SLFN14: variants seen among roughly 807,000 people sequenced by gnomAD.
SLFN14 encodes the protein schlafen family member 14.
Under a neutral mutation model 58.6 loss-of-function variants are expected in SLFN14, and 47 were observed. That is an observed-to-expected ratio of 0.80 (90% CI 0.64 to 1.02). SLFN14 has a LOEUF of 1.02. Among genes scored for constraint, SLFN14 ranks in the 50% least tolerant of loss-of-function variants. The pLI is 0.00. For missense variants in SLFN14, 967 were observed against 1,078.4 expected, an observed-to-expected ratio of 0.90 and a Z score of 1.45; for synonymous variants, 390 against 387.3, an observed-to-expected ratio of 1.01 and a Z score of -0.08.
rs1037004716 is a variant in SLFN14, at chr17:35,545,502, A to AT, written c.*2736dup. On this transcript the variant is annotated 3_prime_UTR_variant, in exon 6 of 6. Transcript: ENST00000674182. ...CTTGTGACATATTAGAATCATTTGG[A>AT]TTTTTTTTAAGAGATAGAGTCTTGC... Among the ~76,000 whole-genome samples the AT allele has an allele frequency of 6.6e-6, 1 of 151,850 alleles. No homozygotes were observed. The highest frequency in any genetic ancestry group is 6.6e-5 in the Admixed American group (1 of 15,220).
intron 5 of SLFN14, among the ~76,000 whole-genome samples, 187 bp from the exon 6 acceptor site, chr17:35,549,260 C>T (rs903374121): frequency 2.3e-4 from 35 of 152,176 alleles, no homozygotes; most frequent in African/African-American, 8.4e-4. Flanking sequence ...AATTTTACAC[C>T]TTGCTCTTTG....
intron 5 of SLFN14, among the ~76,000 whole-genome samples, chr17:35,551,408 C>G (rs1213091478): frequency 6.6e-6 from 1 of 152,140 alleles, no homozygotes; most frequent in Non-Finnish European, 1.5e-5. Flanking sequence ...TCTTCAGAAT[C>G]TATATGCTTC....
At position 35,544,260 on chromosome 17, in the gene SLFN14, T is replaced by G. The variant is rs960235169; in HGVS notation, c.*3979A>C. Among the ~76,000 whole-genome samples, 2 of 152,196 alleles carry G rather than the reference T, an allele frequency of 1.3e-5. No homozygotes were observed. Among genetic ancestry groups the G allele is most frequent in the African/African-American group, 4.8e-5 (2 of 41,456 alleles). ...CCAAGTCACATGACCAAGGCCACAT[T>G]ACAGGGGTGGAAAATATCTCTACCT... On this transcript the variant is annotated 3_prime_UTR_variant, in exon 6 of 6. Transcript: ENST00000674182.
In SLFN14 at chr17:35,545,502, AT is replaced by A. The variant is rs1037004716; in HGVS notation, c.*2736del. The stretch of plus-strand genomic sequence containing the variant: ...CTTGTGACATATTAGAATCATTTGG[AT>A]TTTTTTTAAGAGATAGAGTCTTGCT... On this transcript the variant is annotated 3_prime_UTR_variant, in exon 6 of 6. Transcript: ENST00000674182. 4.0e-5 allele frequency among the ~76,000 whole-genome samples: 6 copies of A among 151,850 alleles called. No individual in the cohort carries two copies. Among genetic ancestry groups the A allele is most frequent in the East Asian group, 1.9e-4 (1 of 5,194 alleles).
chr17:35,548,491 C>T lies in SLFN14; in HGVS notation c.2487G>A (p.Arg829=), dbSNP rs2072552891. Residue 829 remains arginine, a synonymous_variant, in exon 6 of 6, where the codon AGG becomes AGA. Coordinates refer to ENST00000674182, the MANE Select transcript of SLFN14 (RefSeq NM_001129820.2). The part of the protein sequence containing the change: ...CRRGEDRGRY[R]LALLKAMELI... ...ATTCCATTGCTTTGAGTAGTGCAAG[C>T]CTATAGCGTCCTCTGTCCTCCCCTC... 6.4e-7 allele frequency: 1 copy of T among 1,551,726 alleles called. No individual in the cohort carries two copies. Among genetic ancestry groups the T allele is most frequent in the Non-Finnish European group, 8.7e-7 (1 of 1,147,008 alleles).
rs1235497864 is a variant in SLFN14, at chr17:35,545,904, C to T, written c.*2335G>A. On this transcript the variant is annotated 3_prime_UTR_variant, in exon 6 of 6. Transcript: ENST00000674182. ...CTGATCACTGATTTTTTTTAAGTCGCCCAGGAAATTATAATGAGCATCCAG... is the reference window on the plus strand; with the variant it reads ...CTGATCACTGATTTTTTTTAAGTCGTCCAGGAAATTATAATGAGCATCCAG... Among the ~76,000 whole-genome samples the T allele has an allele frequency of 6.6e-6, 1 of 151,948 alleles. No individual in the cohort carries two copies. The highest frequency in any genetic ancestry group is 1.9e-4 in the East Asian group (1 of 5,190).
Position 35,548,761 on chromosome 17 carries a change from C to T in SLFN14, c.2217G>A (p.Ala739=), listed in dbSNP as rs1033427405. 2.4e-5 allele frequency: 38 copies of T among 1,551,650 alleles called. No individual in the cohort carries two copies. In the African/African-American group the frequency reaches 2.5e-4, roughly 10 times the overall value. Reference sequence around the variant, plus strand: ...TCTTCATTTCTTCTTTCATAACCTTCGCTATTTCCAGAGCACAGTGGATCC... The same window carrying T: ...TCTTCATTTCTTCTTTCATAACCTTTGCTATTTCCAGAGCACAGTGGATCC... ...TSGIHCALEI[A]KVMKEEMKRI... Residue 739 remains alanine, a synonymous_variant, in exon 6 of 6, where the codon GCG becomes GCA. Transcript: ENST00000674182.
At chr17:35,560,415 T>TC (rs1421263351) in intron 1 of SLFN14, among the ~76,000 whole-genome samples, 1 of 152,224 alleles carries the variant, frequency 6.6e-6, no homozygotes, top group East Asian at 1.9e-4. Context: ...GCAACCTCCG[T>TC]CCCCCAGGTT....
rs1456295214 is a variant in SLFN14, at chr17:35,552,434, G to A, written c.1904+296C>T. On this transcript the variant is annotated intron_variant, in intron 5 of 5. Coordinates refer to ENST00000674182, the MANE Select transcript of SLFN14 (RefSeq NM_001129820.2). ...AAATGCTAATTAGGCAAAAACAAGA[G>A]GTAAAGAAATAGCCAATCATCTATT... 2.6e-5 allele frequency among the ~76,000 whole-genome samples: 4 copies of A among 151,984 alleles called. No individual in the cohort carries two copies. The South Asian group carries it at 8.3e-4, about 32-fold the overall frequency.
Position 35,549,082 on chromosome 17 carries a change from A to T in SLFN14, c.1905-9T>A. 6.5e-7 allele frequency: 1 copy of T among 1,548,678 alleles called. No homozygotes were observed. Among genetic ancestry groups the T allele is most frequent in the Non-Finnish European group, 8.7e-7 (1 of 1,145,242 alleles). ...GGCAGGTGGTTTGTTGGCTGTAAGG[A>T]CGGAAAAAACAGGGCTTGAGGCATA... On this transcript the variant is annotated splice_polypyrimidine_tract_variant and intron_variant, in intron 5 of 5. Transcript: ENST00000674182.
At position 35,552,181 on chromosome 17, in the gene SLFN14, C is replaced by T. The variant is rs1329348451; in HGVS notation, c.1904+549G>A. Among the ~76,000 whole-genome samples, 16 of 152,302 alleles carry T rather than the reference C, an allele frequency of 1.1e-4. 1 individual carries two copies. The East Asian group carries it at 2.9e-3, about 28-fold the overall frequency. ...GGAAATCTCAACTGCAGAACCCCTA[C>T]TACGCCCCAATTCAGCAGGAAGCAG... On this transcript the variant is annotated intron_variant, in intron 5 of 5. Transcript: ENST00000674182.
Position 35,558,055 on chromosome 17 carries a change from C to T in SLFN14, c.8G>A (p.Ser3Asn), listed in dbSNP as rs1302380463. 6.5e-7 allele frequency: 1 copy of T among 1,550,046 alleles called. No homozygotes were observed. The highest frequency in any genetic ancestry group is 1.4e-5 in the African/African-American group (1 of 72,982). ...CGGCATTTCAGTATCAGTCTTGAGA[C>T]TCTCCATTTCAGCAGCCCCTCTGTG... ME[S>N]LKTDTEMPYP... The change falls in exon 3 of 6, where the codon AGT becomes AAT. Residue 3 changes from serine to asparagine, a missense_variant. Coordinates refer to ENST00000674182, the MANE Select transcript of SLFN14 (RefSeq NM_001129820.2).
Position 35,557,701 on chromosome 17 carries a change from A to T in SLFN14, c.362T>A (p.Leu121Gln), listed in dbSNP as rs2072667110. ...SWSPDVFSLP[L>Q]RICSLRSNLY... ...ATTGGAGCGCAAGCTGCAAATCCTT[A>T]GTGGAAGGCTGAAAACATCTGGGCT... The change falls in exon 3 of 6, where the codon CTA becomes CAA. Residue 121 changes from leucine to glutamine, a missense_variant. By Grantham distance (113) the Leu-to-Gln change is moderately radical. Transcript: ENST00000674182. 1 of 1,551,730 alleles carries T rather than the reference A, an allele frequency of 6.4e-7. No individual in the cohort carries two copies. The highest frequency in any genetic ancestry group is 8.7e-7 in the Non-Finnish European group (1 of 1,146,992).
rs1440215958 is a variant in SLFN14, at chr17:35,544,576, T to A, written c.*3663A>T. On this transcript the variant is annotated 3_prime_UTR_variant, in exon 6 of 6. Coordinates refer to ENST00000674182, the MANE Select transcript of SLFN14 (RefSeq NM_001129820.2). ...AGAGTTTCACTCTTGTTGCCCAGGCTGAAGTGCAGTGGCGCAATCTCAGCT... is the reference window on the plus strand; with the variant it reads ...AGAGTTTCACTCTTGTTGCCCAGGCAGAAGTGCAGTGGCGCAATCTCAGCT... Among the ~76,000 whole-genome samples the A allele has an allele frequency of 6.6e-6, 1 of 150,520 alleles. No individual in the cohort carries two copies. The highest frequency in any genetic ancestry group is 1.9e-4 in the East Asian group (1 of 5,170).
intron 4 of SLFN14, 40 bp from the exon 5 acceptor site, chr17:35,553,484 A>G (rs2072617789): frequency 5.5e-6 from 8 of 1,441,966 alleles, no homozygotes; most frequent in East Asian, 5.0e-5. Context: ...AACTTACAAA[A>G]GCATGTGGTA....
intron 3 of SLFN14, among the ~76,000 whole-genome samples, chr17:35,556,028 T>G (rs1194760881): frequency 6.6e-6 from 1 of 151,736 alleles, no homozygotes; most frequent in Non-Finnish European, 1.5e-5. Flanking sequence ...TTATTTTTAT[T>G]TTTTTATTTT....
chr17:35,548,432 AAC>A lies in SLFN14; in HGVS notation c.2544_2545del (p.Phe849Ter). The A allele has an allele frequency of 6.4e-7, 1 of 1,551,668 alleles. No homozygotes were observed. Among genetic ancestry groups the A allele is most frequent in the Non-Finnish European group, 8.7e-7 (1 of 1,146,970 alleles). On this transcript the variant is annotated frameshift_variant, in exon 6 of 6. Coordinates refer to ENST00000674182, the MANE Select transcript of SLFN14 (RefSeq NM_001129820.2). LOFTEE classifies it high-confidence loss of function. ...TCCCCAAACACCGGTGGCCGGGCTA[AAC>A]ACAACCTCTGATGGTCTGTGGGTCT... is the stretch of plus-strand genomic sequence containing the variant.
intron 5 of SLFN14, among the ~76,000 whole-genome samples, chr17:35,550,796 T>C (rs2072578986): frequency 6.6e-6 from 1 of 152,224 alleles, no homozygotes; most frequent in Non-Finnish European, 1.5e-5. Context: ...AATTAAAAGT[T>C]AGAGATTTAA....
rs79139937 is a variant in SLFN14 at position 35,552,746 on chromosome 17, G to A, written c.1888C>T (p.Leu630=). 1.2e-5 allele frequency: 18 copies of A among 1,548,448 alleles called. No homozygotes were observed. The East Asian group carries it at 4.4e-4, about 38-fold the overall frequency. The change falls in exon 5 of 6, where the codon CTA becomes TTA. Residue 630 remains leucine (L), a synonymous_variant. Transcript: ENST00000674182. ...EILYVCESDS[L]KDFVTQQTTC... The stretch of plus-strand genomic sequence containing the variant: ...AACTCTTACGTCACAAAATCCTTTA[G>A]GGAGTCGCTTTCACAAACATAGAGG...
Sources: allele counts gnomAD v4.1 joint callset (sites outside exome capture counted in the v4.1 genomes callset), GRCh38; gene constraint gnomAD v4.1.1; transcripts MANE v1.5; gene names NCBI Gene and HGNC (gene_info 2026-07-23, HGNC 2026-07-21).